The following EPB41L5 variants were observed in gnomAD, a reference collection of about 807,000 sequenced individuals.
EPB41L5 encodes the protein erythrocyte membrane protein band 4.1 like 5.
Under a neutral mutation model 106.6 loss-of-function variants are expected in EPB41L5, and 55 were observed. The ratio of observed to expected loss-of-function variants is 0.52; its 90% CI spans 0.42 to 0.65. The LOEUF (loss-of-function observed/expected upper bound fraction) is 0.65, where lower values mean the gene tolerates loss of function less well. Ranked by LOEUF, EPB41L5 falls within the 30% of genes least tolerant of loss-of-function variation. The probability of loss-of-function intolerance (pLI) is 0.00; values close to 1 mark genes in which losing one functional copy is unlikely to be tolerated. For missense variants in EPB41L5, 871 were observed against 882.1 expected, an observed-to-expected ratio of 0.99 and a Z score of 0.16; for synonymous variants, 297 against 306.7, an observed-to-expected ratio of 0.97 and a Z score of 0.33.
intron 16 of EPB41L5, among the ~76,000 whole-genome samples, chr2:120,101,164 A>T (rs1024661564): frequency 6.6e-6 from 1 of 152,254 alleles, no homozygotes; most frequent in Non-Finnish European, 1.5e-5. Flanking sequence ...CAGGTCCGTA[A>T]GGAAAGTATA....
chr2:120,068,390 A>G (rs1363877951), intron 3 of EPB41L5, among the ~76,000 whole-genome samples: 6 of 152,218 alleles, frequency 3.9e-5, no homozygotes, highest in African/African-American at 1.2e-4. Flanking sequence ...CAGGAAGCCC[A>G]GGGGGCCAAG....
At chr2:120,161,263 A>C (rs377052328) in intron 21 of EPB41L5, among the ~76,000 whole-genome samples, 6 of 152,096 alleles carry the variant, frequency 3.9e-5, no homozygotes, top group African/African-American at 1.4e-4. Flanking sequence ...CTATGGTCCC[A>C]GCTTCTCAGG....
chr2:120,117,376 A>G (rs1458536912), intron 16 of EPB41L5, among the ~76,000 whole-genome samples: 2 of 152,248 alleles, frequency 1.3e-5, no homozygotes, highest in Non-Finnish European at 2.9e-5. Flanking sequence ...TAGACAGAGT[A>G]TATAGTTGAA....
chr2:120,016,491 A>T (rs565351195), intron 1 of EPB41L5, among the ~76,000 whole-genome samples: 11 of 152,170 alleles, frequency 7.2e-5, no homozygotes, highest in African/African-American at 2.2e-4. Flanking sequence ...AAAAAGGCCA[A>T]CGTAGGAGGA....
At chr2:120,173,075 C>A (rs1233625469) in intron 24 of EPB41L5, among the ~76,000 whole-genome samples, 1 of 152,044 alleles carries the variant, frequency 6.6e-6, no homozygotes, top group African/African-American at 2.4e-5. Context: ...AAAACAACAA[C>A]AACAAACCCA....
chr2:120,143,285 G>C (rs909455996), intron 19 of EPB41L5, among the ~76,000 whole-genome samples, 154 bp downstream of exon 19: 1 of 151,958 alleles, frequency 6.6e-6, no homozygotes, highest in Non-Finnish European at 1.5e-5. Flanking sequence ...GGATACGAAG[G>C]CTAAAAAAGC....
At chr2:120,139,788 A>G (rs1204495797) in intron 18 of EPB41L5, among the ~76,000 whole-genome samples, 1 of 152,060 alleles carries the variant, frequency 6.6e-6, no homozygotes, top group African/African-American at 2.4e-5. Context: ...TGGAACGATC[A>G]TATGATCCAG....
intron 1 of EPB41L5, among the ~76,000 whole-genome samples, chr2:120,014,487 G>A (rs1470470364): frequency 1.3e-5 from 2 of 152,108 alleles, no homozygotes; most frequent in Non-Finnish European, 2.9e-5. Flanking sequence ...GAAGTAGTCA[G>A]TAAAAAAGAT....
intron 14 of EPB41L5, among the ~76,000 whole-genome samples, chr2:120,098,534 A>G (rs1683924577): frequency 1.3e-5 from 2 of 151,914 alleles, no homozygotes; most frequent in South Asian, 4.1e-4. Flanking sequence ...TTTGAAAGGT[A>G]TTTTGTTGTT....
Position 120,177,740 on chromosome 2 carries a change from A to ACTT in EPB41L5, c.*2834_*2836dup, listed in dbSNP as rs145002000. ...CATTTATACATTGTTTTAAGAAAAA[A>ACTT]CTTTTAAAAATATTTCTTATAGTCT... is the stretch of plus-strand genomic sequence containing the variant. On this transcript the variant is annotated 3_prime_UTR_variant, in exon 25 of 25. Transcript: ENST00000263713. The ACTT allele has an allele frequency of 1.2e-3, 186 of 152,204 alleles. No individual in the cohort carries two copies. The highest frequency in any genetic ancestry group is 4.3e-3 in the African/African-American group (180 of 41,510). 9.4% of individuals were successfully genotyped at this position (152,204 alleles called of 1,614,324 possible). A position where few individuals can be genotyped will look rare whatever the true frequency, so the allele number is the denominator to read the frequency against.
At chr2:120,105,768 A>G (rs1684416292) in intron 16 of EPB41L5, 1 of 985,322 alleles carries the variant, frequency 1.0e-6, no homozygotes, top group Non-Finnish European at 1.2e-6. Flanking sequence ...GTTGTTTTAG[A>G]CTTTACATAG....
intron 3 of EPB41L5, among the ~76,000 whole-genome samples, chr2:120,052,360 G>C (rs1415784066): frequency 1.3e-5 from 2 of 152,038 alleles, no homozygotes; most frequent in African/African-American, 4.8e-5. Flanking sequence ...TGTCCTATTG[G>C]GTGTCATGTA....
At chr2:120,101,198 A>G (rs6752422) in intron 16 of EPB41L5, among the ~76,000 whole-genome samples, 94,657 of 150,136 alleles carry the variant, frequency 0.63, 31,241 homozygotes, top group Middle Eastern at 0.74. Flanking sequence ...ATTCCACACA[A>G]CATGATGCTA....
intron 16 of EPB41L5, among the ~76,000 whole-genome samples, chr2:120,124,667 G>A (rs745710921): frequency 6.6e-6 from 1 of 152,002 alleles, no homozygotes; most frequent in Non-Finnish European, 1.5e-5. Flanking sequence ...TTTCCCAAAT[G>A]TTTCAATACC....
At chr2:120,145,767 G>A (rs1270479399) in intron 19 of EPB41L5, among the ~76,000 whole-genome samples, 5 of 152,258 alleles carry the variant, frequency 3.3e-5, no homozygotes, top group Admixed American at 6.5e-5. Context: ...CCTACATGGT[G>A]AAACCATGTC....
intron 17 of EPB41L5, among the ~76,000 whole-genome samples, chr2:120,129,328 T>A (rs917582299): frequency 3.7e-5 from 5 of 135,528 alleles, no homozygotes; most frequent in Non-Finnish European, 8.1e-5. Flanking sequence ...AGAGCAAGAC[T>A]CTGTCTCAAA....
chr2:120,073,023 T>C (rs1359705204), intron 3 of EPB41L5, among the ~76,000 whole-genome samples, 155 bp from the exon 4 acceptor site: 1 of 152,168 alleles, frequency 6.6e-6, no homozygotes, highest in Non-Finnish European at 1.5e-5. Flanking sequence ...ATACTCTTCC[T>C]TCTCACCTCT....
At position 120,164,878 on chromosome 2, in the gene EPB41L5, G is replaced by A. The variant is rs1218928943; in HGVS notation, c.1930G>A (p.Glu644Lys). 6.2e-7 allele frequency: 1 copy of A among 1,611,746 alleles called. No individual in the cohort carries two copies. ...GGATGCCTTGCTTGCATCTCTAACT[G>A]AGAATCTAATTGATCACACAGTTGC... ...ELDALLASLT[E>K]NLIDHTVAPQ... Residue 644 changes from glutamate to lysine, a missense_variant, in exon 22 of 25, where the codon GAG (glutamate) becomes AAG (lysine). Coordinates refer to ENST00000263713, the MANE Select transcript of EPB41L5 (RefSeq NM_020909.4).
At chr2:120,068,536 G>A (rs895307240) in intron 3 of EPB41L5, among the ~76,000 whole-genome samples, 11 of 152,304 alleles carry the variant, frequency 7.2e-5, no homozygotes, top group Admixed American at 2.6e-4. Flanking sequence ...GGCGTCCGCC[G>A]TTACTGAGGC....
Sources: allele counts gnomAD v4.1 joint callset (sites outside exome capture counted in the v4.1 genomes callset), GRCh38; gene constraint gnomAD v4.1.1; transcripts MANE v1.5; gene names NCBI Gene and HGNC (gene_info 2026-07-23, HGNC 2026-07-21).